Variants in SYMPK observed in about 807,000 individuals in gnomAD.
SYMPK encodes symplekin scaffold protein.
Under a neutral mutation model 136.4 loss-of-function variants are expected in SYMPK, and 49 were observed. The ratio of observed to expected loss-of-function variants is 0.36; its 90% CI spans 0.29 to 0.46. The LOEUF is 0.46. SYMPK is among the 20% of genes least tolerant of loss of function. The pLI is 1.00. For synonymous variants in SYMPK, 766 were observed against 713.0 expected (o/e 1.07, Z -1.19); for missense variants, 1,365 against 1,690.0 (o/e 0.81, Z 3.37).
chr19:45,830,463 T>C (rs994617386), intron 12 of SYMPK: 2 of 441,108 alleles, frequency 4.5e-6, no homozygotes, highest in Non-Finnish European at 8.4e-6. Context: ...AGGGACAAGA[T>C]ACACAAATGT....
intron 25 of SYMPK, 101 bp downstream of exon 25, chr19:45,816,381 T>G: frequency 2.8e-6 from 4 of 1,444,994 alleles, no homozygotes; most frequent in Non-Finnish European, 3.7e-6. Context: ...AGGGGTGGCC[T>G]GAGTCTCTCG....
intron 17 of SYMPK, among the ~76,000 whole-genome samples, chr19:45,825,559 G>A (rs908676031): frequency 2.6e-5 from 4 of 152,054 alleles, no homozygotes; most frequent in Admixed American, 6.6e-5. Flanking sequence ...TTTCTAAAGT[G>A]CGATCCTGAC....
At chr19:45,817,675 T>C (rs1286916613) in intron 23 of SYMPK, among the ~76,000 whole-genome samples, 1 of 152,132 alleles carries the variant, frequency 6.6e-6, no homozygotes, top group Non-Finnish European at 1.5e-5. Flanking sequence ...GGATGCATCC[T>C]GGCCGGGCAC....
At chr19:45,824,102 T>TG (rs1970977564) in intron 18 of SYMPK, 1 of 511,574 alleles carries the variant, frequency 2.0e-6, no homozygotes, top group Admixed American at 3.3e-5. Context: ...CAGCCCTGGC[T>TG]GGGCTGTCCT....
At chr19:45,833,145 G>A (rs1262839101) in intron 11 of SYMPK, among the ~76,000 whole-genome samples, 2 of 152,042 alleles carry the variant, frequency 1.3e-5, no homozygotes, top group Non-Finnish European at 2.9e-5. Flanking sequence ...AGAGGTTGCA[G>A]TAAGCCAAGA....
At chr19:45,840,411 C>T (rs963505671) in intron 9 of SYMPK, among the ~76,000 whole-genome samples, 3 of 149,774 alleles carry the variant, frequency 2.0e-5, no homozygotes, top group Admixed American at 2.0e-4. Context: ...CGCCTGTAAT[C>T]TCAACACTTT....
chr19:45,817,161 A>C, intron 23 of SYMPK, 187 bp from the exon 24 acceptor site: 1 of 572,766 alleles, frequency 1.7e-6, no homozygotes, highest in Non-Finnish European at 2.9e-6. Context: ...CGGCTGGACC[A>C]CGAGGGCAAC....
Position 45,827,558 on chromosome 19 carries a change from G to A in SYMPK, c.2133C>T (p.Phe711=), listed in dbSNP as rs1272712525. The stretch of plus-strand genomic sequence containing the variant: ...GGTCGAGGAGGACATGCAGGTACTG[G>A]AACTGGCGGGACGGGCGCTTGAAGA... ...DLIFKRPSRQ[F]QYLHVLLDLS... Residue 711 remains phenylalanine, a synonymous_variant, in exon 16 of 27, where the codon TTC becomes TTT. Transcript: ENST00000245934. 1.9e-6 allele frequency: 3 copies of A among 1,614,164 alleles called. No individual in the cohort carries two copies. The highest frequency in any genetic ancestry group is 2.2e-5 in the South Asian group (2 of 91,082).
At chr19:45,833,980 T>C (rs1971243954) in intron 11 of SYMPK, among the ~76,000 whole-genome samples, 2 of 151,228 alleles carry the variant, frequency 1.3e-5, no homozygotes, top group South Asian at 4.2e-4. Context: ...TGAAACCCCG[T>C]CTCTACTAAA....
chr19:45,828,908 G>C (rs1971106932), intron 14 of SYMPK, 62 bp downstream of exon 14: 1 of 1,523,278 alleles, frequency 6.6e-7, no homozygotes, highest in South Asian at 1.2e-5. Context: ...ATCAGAAAGG[G>C]AGGGCAGCAC....
At chr19:45,859,669 T>C (rs569691445) in intron 1 of SYMPK, among the ~76,000 whole-genome samples, 5 of 147,098 alleles carry the variant, frequency 3.4e-5, no homozygotes, top group Admixed American at 1.4e-4. Flanking sequence ...TGGCTCACAA[T>C]TGTAAACCCA....
intron 1 of SYMPK, among the ~76,000 whole-genome samples, chr19:45,860,439 CAA>C (rs1178457641): frequency 4.1e-5 from 6 of 145,652 alleles, no homozygotes; most frequent in African/African-American, 1.5e-4. Flanking sequence ...GCGTGGGCAA[CAA>C]GAGTGAAACT....
intron 16 of SYMPK, among the ~76,000 whole-genome samples, 163 bp downstream of exon 16, chr19:45,827,347 G>A (rs2057909199): frequency 1.9e-5 from 1 of 52,708 alleles, no homozygotes. Context: ...CACTGAAAAT[G>A]AAAATAAAAC....
At chr19:45,859,651 G>A (rs1160132103) in intron 1 of SYMPK, among the ~76,000 whole-genome samples, 1 of 150,210 alleles carries the variant, frequency 6.7e-6, no homozygotes, top group Admixed American at 6.6e-5. Context: ...AAAATAGGAC[G>A]GGTATAGTGG....
intron 14 of SYMPK, chr19:45,828,756 G>T: frequency 1.7e-6 from 1 of 589,364 alleles, no homozygotes. Flanking sequence ...CAGAGCTGAG[G>T]AACAGCTCAG....
At chr19:45,854,049 G>A in intron 3 of SYMPK, 126 bp downstream of exon 3, 1 of 888,104 alleles carries the variant, frequency 1.1e-6, no homozygotes, top group Non-Finnish European at 1.9e-6. Flanking sequence ...GGCCTGCACT[G>A]AGCACTGTGG....
At chr19:45,847,613 A>C in intron 7 of SYMPK, 139 bp downstream of exon 7, 1 of 1,024,914 alleles carries the variant, frequency 9.8e-7, no homozygotes, top group Non-Finnish European at 1.4e-6. Context: ...ATCTGAACCT[A>C]GCACCAGGGA....
At chr19:45,842,527 A>G in intron 8 of SYMPK, 38 bp from the exon 9 acceptor site, 1 of 1,593,958 alleles carries the variant, frequency 6.3e-7, no homozygotes. Context: ...CTTGTGGAAG[A>G]TCTCATGGCA....
intron 14 of SYMPK, 45 bp from the exon 15 acceptor site, chr19:45,827,963 G>T (rs373089945): frequency 6.3e-7 from 1 of 1,585,454 alleles, no homozygotes; most frequent in East Asian, 2.2e-5. Flanking sequence ...GGAAGAGGCC[G>T]CCTGGCTCCC....
Sources: allele counts gnomAD v4.1 joint callset (sites outside exome capture counted in the v4.1 genomes callset), GRCh38; gene constraint gnomAD v4.1.1; transcripts MANE v1.5; gene names NCBI Gene and HGNC (gene_info 2026-07-23, HGNC 2026-07-21).